The following PATJ variants were observed in gnomAD, a reference collection of about 807,000 sequenced individuals.
PATJ encodes PATJ crumbs cell polarity complex component.
Under a neutral mutation model 224.9 loss-of-function variants are expected in PATJ, and 190 were observed. That is an observed-to-expected ratio of 0.84 (90% CI 0.75 to 0.95). The LOEUF is 0.95. Among genes scored for constraint, PATJ ranks in the 40% least tolerant of loss-of-function variants. PATJ has a pLI of 0.00. For synonymous variants in PATJ, 769 were observed against 820.3 expected (o/e 0.94, Z 1.07); for missense variants, 2,121 against 2,270.3 (o/e 0.93, Z 1.34).
chr1:61,751,790 C>T (rs1047856665), intron 1 of PATJ, among the ~76,000 whole-genome samples: 1 of 151,654 alleles, frequency 6.6e-6, no homozygotes, highest in South Asian at 2.1e-4. Flanking sequence ...CGCACCACTG[C>T]ACTCCAGCAT....
chr1:61,822,814 T>A, intron 14 of PATJ, 131 bp from the exon 15 acceptor site: 1 of 1,018,924 alleles, frequency 9.8e-7, no homozygotes, highest in Non-Finnish European at 1.5e-6. Context: ...TTCCTATTAT[T>A]GTCCTCTTTT....
chr1:61,881,663 T>C (rs1191984348), intron 21 of PATJ, among the ~76,000 whole-genome samples: 1 of 152,120 alleles, frequency 6.6e-6, no homozygotes, highest in African/African-American at 2.4e-5. Context: ...CCACCCACCT[T>C]GGCCTTCCAA....
At chr1:61,964,191 C>T (rs180836966) in intron 27 of PATJ, among the ~76,000 whole-genome samples, 1 of 149,054 alleles carries the variant, frequency 6.7e-6, no homozygotes, top group African/African-American at 2.4e-5. Context: ...AAGTCATTCT[C>T]CTGCCTCAGC....
At chr1:61,997,982 T>TTTTTTATATATATATA (rs374175697) in intron 28 of PATJ, among the ~76,000 whole-genome samples, 1 of 118,338 alleles carries the variant, frequency 8.5e-6, no homozygotes, top group Non-Finnish European at 1.6e-5. Flanking sequence ...TGTGCCCAGC[T>TTTTTTATATATATATA]TATATATGTA....
chr1:61,955,869 T>C (rs542118303), intron 27 of PATJ, among the ~76,000 whole-genome samples: 1 of 152,344 alleles, frequency 6.6e-6, no homozygotes, highest in East Asian at 1.9e-4. Flanking sequence ...GCCAAATTGA[T>C]TGCTATTCTC....
At chr1:62,042,989 G>C (rs1558084529) in intron 30 of PATJ, among the ~76,000 whole-genome samples, 1 of 152,166 alleles carries the variant, frequency 6.6e-6, no homozygotes, top group African/African-American at 2.4e-5. Flanking sequence ...GACCCGAAGG[G>C]TATCGCAGAG....
chr1:62,092,604 T>TG (rs1234312540), intron 33 of PATJ, among the ~76,000 whole-genome samples: 2 of 151,216 alleles, frequency 1.3e-5, no homozygotes, highest in African/African-American at 4.9e-5. Context: ...TTAGTAGAGA[T>TG]GGGGTTTCGC....
Position 62,153,418 on chromosome 1 carries a change from T to C in PATJ, c.5439T>C (p.Ile1813=). 6.5e-6 allele frequency: 8 copies of C among 1,231,594 alleles called. No individual in the cohort carries two copies. Among genetic ancestry groups the C allele is most frequent in the Non-Finnish European group, 8.1e-6 (8 of 987,456 alleles). The allele number at this position is 1,231,594 out of a possible 1,614,324, so 76.3% of individuals were successfully genotyped here. ...EKGSEGLGFS[I]VGGYGSPHGD... ...GCTCTGAAGGCTTGGGGTTTAGTAT[T>C]GTAGGGGGTTATGGAAGTCCCCATG... Residue 1813 remains isoleucine, a synonymous_variant, in exon 43 of 44, where the codon ATT becomes ATC. Transcript: ENST00000642238.
intron 13 of PATJ, among the ~76,000 whole-genome samples, chr1:61,805,895 T>C (rs921301750): frequency 3.9e-5 from 6 of 152,264 alleles, no homozygotes; most frequent in Admixed American, 6.5e-5. Flanking sequence ...CTGTTTGTTT[T>C]ATTGTACACT....
chr1:61,817,939 T>C (rs1259008619), intron 14 of PATJ, among the ~76,000 whole-genome samples: 1 of 152,194 alleles, frequency 6.6e-6, no homozygotes, highest in African/African-American at 2.4e-5. Context: ...ATGGGTTCTT[T>C]CTGTTCTGTT....
chr1:61,903,455 A>G (rs1199156795), intron 24 of PATJ, among the ~76,000 whole-genome samples: 1 of 152,238 alleles, frequency 6.6e-6, no homozygotes, highest in African/African-American at 2.4e-5. Context: ...ATGTTAGGCT[A>G]AGATGCCTAT....
In PATJ at chr1:61,864,222, C is replaced by T. The variant is rs1229434782; in HGVS notation, c.2440-16C>T. The T allele has an allele frequency of 2.5e-6, 4 of 1,579,746 alleles. No individual in the cohort carries two copies. Among genetic ancestry groups the T allele is most frequent in the Admixed American group, 1.9e-5 (1 of 53,280 alleles). On this transcript the variant is annotated splice_polypyrimidine_tract_variant and intron_variant, in intron 19 of 43. Transcript: ENST00000642238. ...ACAGGCGTAACTTCACATTTTTTTG[C>T]ATCTTTTATTTATAGGGATTTAGAG...
intron 33 of PATJ, among the ~76,000 whole-genome samples, chr1:62,107,589 G>C (rs934450834): frequency 6.6e-6 from 1 of 152,166 alleles, no homozygotes; most frequent in Admixed American, 6.5e-5. Context: ...GAATTGTCTG[G>C]AGAGATCCTT....
chr1:61,872,677 G>A (rs753718450), intron 20 of PATJ, among the ~76,000 whole-genome samples: 1 of 152,172 alleles, frequency 6.6e-6, no homozygotes, highest in Non-Finnish European at 1.5e-5. Context: ...ATCATGACCT[G>A]CAAAACTAAT....
intron 14 of PATJ, among the ~76,000 whole-genome samples, chr1:61,821,677 A>G (rs971033835): frequency 6.6e-6 from 1 of 152,174 alleles, no homozygotes; most frequent in East Asian, 1.9e-4. Flanking sequence ...CACATGGTAG[A>G]TGCACTGCCA....
rs572105078 is a variant in PATJ, at chr1:61,933,315, C to T, written c.3670+5486C>T. Among the ~76,000 whole-genome samples, 4 of 151,914 alleles carry T rather than the reference C, an allele frequency of 2.6e-5. No homozygotes were observed. In the East Asian group the frequency reaches 5.8e-4, roughly 22 times the overall value. ...CAGCACTTTGGGAGGCTGAGGCAGG[C>T]GAATTACAAGGTCAGGAGTGCACGA... On this transcript the variant is annotated intron_variant, in intron 27 of 43. Transcript: ENST00000642238.
chr1:61,933,513 C>T (rs747881426), intron 27 of PATJ, among the ~76,000 whole-genome samples: 33 of 150,518 alleles, frequency 2.2e-4, no homozygotes, highest in Non-Finnish European at 3.7e-4. Flanking sequence ...TGCACTCCAC[C>T]CTGGCGACAG....
chr1:62,137,007 T>C (rs1439574521), intron 41 of PATJ, among the ~76,000 whole-genome samples: 2 of 152,154 alleles, frequency 1.3e-5, no homozygotes, highest in African/African-American at 4.8e-5. Context: ...ATCTTTCTTA[T>C]CTGGAAATTA....
chr1:61,755,718 T>G (rs113593797), intron 1 of PATJ, among the ~76,000 whole-genome samples: 12 of 152,326 alleles, frequency 7.9e-5, no homozygotes, highest in African/African-American at 2.9e-4. Context: ...CTCCCCACTC[T>G]ATAATCTTTC....
Sources: allele counts gnomAD v4.1 joint callset (sites outside exome capture counted in the v4.1 genomes callset), GRCh38; gene constraint gnomAD v4.1.1; transcripts MANE v1.5; gene names NCBI Gene and HGNC (gene_info 2026-07-23, HGNC 2026-07-21).